Variants in IL5 observed in about 807,000 individuals in gnomAD.
IL5 encodes the protein interleukin-5.
Under a neutral mutation model 16.3 loss-of-function variants are expected in IL5, and 12 were observed. That is an observed-to-expected ratio of 0.74 (90% confidence interval 0.47 to 1.20). The LOEUF (loss-of-function observed/expected upper bound fraction) is 1.20. Among genes scored for constraint, IL5 ranks in the 50% most tolerant of loss-of-function variants. The pLI, the probability that IL5 is intolerant of heterozygous loss-of-function variation, is 0.00. For missense variants in IL5, 159 were observed against 153.9 expected (o/e 1.03, Z -0.17); for synonymous variants, 54 against 56.6 (o/e 0.95, Z 0.21).
intron 1 of IL5, among the ~76,000 whole-genome samples, chr5:132,555,429 T>C (rs1303015300): frequency 2.6e-5 from 4 of 152,240 alleles, no homozygotes; most frequent in African/African-American, 9.6e-5. Context: ...TAGTTTGTTT[T>C]GCAAAGTGAA....
chr5:132,556,808 T>A, exon 1 of IL5: 1 of 1,201,860 alleles, frequency 8.3e-7, no homozygotes. Context: ...AGGCTGCCCA[T>A]CCCCAGCAAA....
chr5:132,549,627 G>A (rs1749851368), intron 1 of IL5, among the ~76,000 whole-genome samples: 2 of 152,056 alleles, frequency 1.3e-5, no homozygotes, highest in African/African-American at 4.8e-5. Flanking sequence ...TACATTGGTG[G>A]GTAACATCCA....
At chr5:132,548,046 G>GT (rs1224032423), upstream of IL5, among the ~76,000 whole-genome samples, 1 of 152,128 alleles carries the variant, frequency 6.6e-6, no homozygotes, top group East Asian at 1.9e-4. Flanking sequence ...TCTAGCCTGG[G>GT]TGACAGAGCG....
intron 1 of IL5, 55 bp downstream of exon 1, chr5:132,543,279 AT>A (rs1749728811): frequency 6.6e-7 from 1 of 1,518,788 alleles, no homozygotes; most frequent in African/African-American, 1.4e-5. Context: ...TAAAGGAACC[AT>A]CACAAATGAT....
chr5:132,550,433 C>T (rs1427778629), intron 1 of IL5, among the ~76,000 whole-genome samples: 1 of 151,678 alleles, frequency 6.6e-6, no homozygotes, highest in Non-Finnish European at 1.5e-5. Context: ...AAGCGATTCT[C>T]CTGCCTCAGC....
chr5:132,544,296 A>C (rs756385829), upstream of IL5, among the ~76,000 whole-genome samples: 16 of 152,206 alleles, frequency 1.1e-4, no homozygotes, highest in Non-Finnish European at 1.9e-4. Context: ...AAAGCTTTCA[A>C]ATTCAGTCTC....
chr5:132,554,745 A>T (rs75073021), intron 1 of IL5, among the ~76,000 whole-genome samples: 1 of 152,206 alleles, frequency 6.6e-6, no homozygotes, highest in Admixed American at 6.5e-5. Context: ...TTGTACACCA[A>T]TATATATAGC....
At chr5:132,542,199 G>A in intron 2 of IL5, 56 bp from the exon 3 acceptor site, 1 of 1,335,208 alleles carries the variant, frequency 7.5e-7, no homozygotes, top group South Asian at 1.3e-5. Flanking sequence ...TAAAAATTTG[G>A]TCCATTGTCC....
upstream of IL5, among the ~76,000 whole-genome samples, chr5:132,546,360 T>C (rs943522646): frequency 1.8e-4 from 28 of 152,178 alleles, no homozygotes; most frequent in African/African-American, 6.8e-4. Context: ...ACTTTCTGTC[T>C]TTATGAATTT....
intron 1 of IL5, among the ~76,000 whole-genome samples, chr5:132,550,818 G>A (rs1749872120): frequency 1.3e-5 from 2 of 152,172 alleles, no homozygotes; most frequent in Admixed American, 1.3e-4. Flanking sequence ...GAAGCAGTGG[G>A]AATCAAAGAG....
intron 1 of IL5, chr5:132,556,332 A>AT (rs1561626066): frequency 6.6e-6 from 1 of 152,184 alleles, no homozygotes; most frequent in Non-Finnish European, 1.5e-5. Flanking sequence ...ATTTTTAAAG[A>AT]TATCTATTGC....
At chr5:132,543,640 G>A (rs941572708), upstream of IL5, 10 of 488,980 alleles carry the variant, frequency 2.0e-5, no homozygotes, top group African/African-American at 6.0e-5. Context: ...TGTTTCCAAT[G>A]CCTTATATCT....
chr5:132,543,435 G>C lies in IL5; in HGVS notation c.44C>G (p.Ala15Gly), dbSNP rs1749733961. 2 of 1,613,906 alleles carry C rather than the reference G, an allele frequency of 1.2e-6. No individual in the cohort carries two copies. The highest frequency in any genetic ancestry group is 4.5e-5 in the East Asian group (2 of 44,890). The stretch of plus-strand genomic sequence containing the variant: ...TTCTGTGGGGATGGCATACACGTAG[G>C]CAGCTCCAAGAGCTAGCAAACTCAA... ...LHLSLLALGA[A>G]YVYAIPTEIP... The change falls in exon 1 of 4, where the codon GCC becomes GGC. Residue 15 changes from alanine to glycine, a missense_variant. Ala to Gly is a moderately conservative substitution (Grantham distance 60, BLOSUM62 0). Transcript: ENST00000231454.
rs372700620 is a variant in IL5 at position 132,554,349 on chromosome 5, A to G, written c.42+2325T>C. 4.5e-4 allele frequency among the ~76,000 whole-genome samples: 62 copies of G among 138,972 alleles called. 1 individual carries two copies. The East Asian group carries it at 5.2e-3, about 12-fold the overall frequency. 91.2% of individuals were successfully genotyped at this position (138,972 alleles called of 152,430 possible). A position where few individuals can be genotyped will look rare whatever the true frequency, so the allele number is the denominator to read the frequency against. ...ACCATTGCACTCCAGTCTGGGTGAC[A>G]GAGTGAGACTCCATCTCAAAAAAAA... On this transcript the variant is annotated intron_variant, in intron 1 of 2. Coordinates refer to the IL5 transcript ENST00000450655.
At chr5:132,549,801 G>A (rs1374843136) in intron 1 of IL5, among the ~76,000 whole-genome samples, 1 of 152,086 alleles carries the variant, frequency 6.6e-6, no homozygotes, top group Non-Finnish European at 1.5e-5. Flanking sequence ...TTTTCATGAT[G>A]ACTAAATGTA....
At chr5:132,550,779 G>A (rs1363808590) in intron 1 of IL5, among the ~76,000 whole-genome samples, 10 of 152,178 alleles carry the variant, frequency 6.6e-5, no homozygotes, top group South Asian at 2.1e-4. Flanking sequence ...AATGGAGAGC[G>A]AATGAACCCA....
upstream of IL5, among the ~76,000 whole-genome samples, chr5:132,546,250 C>T (rs556580149): frequency 9.2e-5 from 14 of 152,182 alleles, no homozygotes; most frequent in African/African-American, 3.4e-4. Flanking sequence ...GACAAATCTC[C>T]AGGACTCTTT....
chr5:132,547,968 C>T (rs1394619504), upstream of IL5, among the ~76,000 whole-genome samples: 1 of 152,058 alleles, frequency 6.6e-6, no homozygotes, highest in Non-Finnish European at 1.5e-5. Flanking sequence ...ACTTGGGAGG[C>T]TGAGGCAGGA....
At chr5:132,543,527 C>A (rs199783628), upstream of IL5, 1 of 1,556,352 alleles carries the variant, frequency 6.4e-7, no homozygotes, top group Non-Finnish European at 8.7e-7. Context: ...GTGCATAGTA[C>A]AAGACTGCGT....
Sources: gnomAD v4.1 joint callset for allele counts (sites outside exome capture counted in the v4.1 genomes callset) on GRCh38, gnomAD v4.1.1 for gene constraint, MANE v1.5 for transcripts, NCBI Gene and HGNC (gene_info 2026-07-23, HGNC 2026-07-21) for gene names.